CMSS1: variants seen among roughly 807,000 people sequenced by gnomAD.
CMSS1 encodes protein CMSS1.
A neutral mutation model predicts 43.5 loss-of-function variants in CMSS1; 33 were observed. The observed-to-expected ratio is 0.76, with a 90% CI of 0.57 to 1.01. The LOEUF is 1.01. CMSS1 is among the 50% of genes least tolerant of loss of function. The pLI, the probability that CMSS1 is intolerant of heterozygous loss-of-function variation, is 0.00. For missense variants in CMSS1, 313 were observed against 326.4 expected (o/e 0.96, Z 0.32); for synonymous variants, 115 against 117.2 (o/e 0.98, Z 0.12).
chr3:99,840,277 G>A (rs793438), intron 1 of CMSS1, among the ~76,000 whole-genome samples: 5,117 of 134,990 alleles, frequency 0.038, 129 homozygotes, highest in Admixed American at 0.051. Flanking sequence ...AGGCTGGAGT[G>A]CAGTGGCGTG....
At chr3:99,983,975 T>C (rs957525190) in intron 1 of CMSS1, among the ~76,000 whole-genome samples, 3 of 151,616 alleles carry the variant, frequency 2.0e-5, no homozygotes, top group African/African-American at 7.3e-5. Context: ...ACCTAACAGA[T>C]TTTTGTTGTT....
chr3:100,099,525 C>A (rs183977565), intron 1 of CMSS1, among the ~76,000 whole-genome samples: 1 of 152,072 alleles, frequency 6.6e-6, no homozygotes, highest in Non-Finnish European at 1.5e-5. Context: ...GTATTTGTAT[C>A]GGTCTAATTA....
intron 1 of CMSS1, among the ~76,000 whole-genome samples, chr3:100,094,715 G>A (rs1188331193): frequency 5.4e-4 from 58 of 107,584 alleles, no homozygotes; most frequent in African/African-American, 2.1e-3. Context: ...AGACAGTCTC[G>A]CTCTGTCACC....
intron 1 of CMSS1, among the ~76,000 whole-genome samples, chr3:99,829,686 C>T (rs1436632562): frequency 6.6e-6 from 1 of 152,146 alleles, no homozygotes; most frequent in African/African-American, 2.4e-5. Context: ...TATGAATAAA[C>T]AATGTCCTGT....
At chr3:99,931,067 A>G in intron 1 of CMSS1, 1 of 1,575,710 alleles carries the variant, frequency 6.3e-7, no homozygotes, top group South Asian at 1.2e-5. Flanking sequence ...AGCTTAATGG[A>G]AATGGAGTTT....
At chr3:100,006,675 A>G (rs1709997013) in intron 1 of CMSS1, among the ~76,000 whole-genome samples, 1 of 151,790 alleles carries the variant, frequency 6.6e-6, no homozygotes, top group South Asian at 2.1e-4. Flanking sequence ...AAAAAATTCC[A>G]GCTTGGGTTG....
At chr3:99,942,896 G>C (rs916231310) in intron 1 of CMSS1, among the ~76,000 whole-genome samples, 2 of 152,046 alleles carry the variant, frequency 1.3e-5, no homozygotes, top group Admixed American at 6.6e-5. Context: ...ATGGGGGAAA[G>C]GGGAGAAAAG....
chr3:99,942,924 G>A (rs981847536), intron 1 of CMSS1, among the ~76,000 whole-genome samples: 2 of 152,110 alleles, frequency 1.3e-5, no homozygotes, highest in African/African-American at 4.8e-5. Flanking sequence ...AAGGCACCAA[G>A]CTTGGGTATC....
At chr3:100,057,179 C>T (rs1413781815) in intron 1 of CMSS1, among the ~76,000 whole-genome samples, 9 of 152,128 alleles carry the variant, frequency 5.9e-5, no homozygotes, top group Non-Finnish European at 1.2e-4. Flanking sequence ...TTGCCTGCCA[C>T]GTGGCTTCTC....
At chr3:99,931,822 A>G (rs2107664149) in intron 1 of CMSS1, among the ~76,000 whole-genome samples, 2 of 152,338 alleles carry the variant, frequency 1.3e-5, no homozygotes, top group South Asian at 4.1e-4. Flanking sequence ...AATCATCCAA[A>G]TGAATTTATA....
rs145752871 is a variant in CMSS1, at chr3:100,004,211, C to G, written c.65-142762C>G. Among the ~76,000 whole-genome samples, 26 of 152,192 alleles carry G rather than the reference C, an allele frequency of 1.7e-4. 1 individual carries two copies. In the East Asian group the frequency reaches 4.8e-3, roughly 28 times the overall value. ...ACATATTCTCCAAGAAACCTAAACT[C>G]CAAGTAAAATGCAGCTTCCGTAGGA... is the stretch of plus-strand genomic sequence containing the variant. On this transcript the variant is annotated intron_variant, in intron 1 of 9. Transcript: ENST00000421999.
At chr3:100,152,206 T>C (rs913519489) in intron 2 of CMSS1, among the ~76,000 whole-genome samples, 16 of 151,960 alleles carry the variant, frequency 1.1e-4, no homozygotes, top group South Asian at 6.2e-4. Context: ...CCTTCTTCTT[T>C]TTTTTTTTTT....
At chr3:99,983,393 T>TAAATAA (rs1401992303) in intron 1 of CMSS1, among the ~76,000 whole-genome samples, 10 of 87,060 alleles carry the variant, frequency 1.1e-4, no homozygotes, top group African/African-American at 5.3e-4. Flanking sequence ...TAAATAAATA[T>TAAATAA]ATATATATAT....
At chr3:99,905,404 T>C (rs1706582047) in intron 1 of CMSS1, among the ~76,000 whole-genome samples, 2 of 152,224 alleles carry the variant, frequency 1.3e-5, no homozygotes, top group African/African-American at 4.8e-5. Flanking sequence ...TAATTGCTCT[T>C]ACTAGGACTA....
intron 3 of CMSS1, 90 bp from the exon 4 acceptor site, chr3:100,162,213 T>G: frequency 9.1e-7 from 1 of 1,103,458 alleles, no homozygotes; most frequent in South Asian, 1.6e-5. Context: ...AAAAGCTATG[T>G]GCCGTTTAAA....
chr3:100,160,876 C>T lies in CMSS1; in HGVS notation c.225+375C>T, dbSNP rs559715545. 3.9e-5 allele frequency among the ~76,000 whole-genome samples: 6 copies of T among 152,220 alleles called. No individual in the cohort carries two copies. The East Asian group carries it at 9.6e-4, about 24-fold the overall frequency. On this transcript the variant is annotated intron_variant, in intron 3 of 9. Coordinates refer to ENST00000421999, the MANE Select transcript of CMSS1 (RefSeq NM_032359.4). ...TACCAACCTCCTTTTTCTATTCATT[C>T]CGGATTTTAAGACCTTATACCTTAA...
intron 6 of CMSS1, among the ~76,000 whole-genome samples, chr3:100,171,481 T>C (rs1244128150): frequency 6.6e-6 from 1 of 152,042 alleles, no homozygotes; most frequent in Non-Finnish European, 1.5e-5. Context: ...AAATTTTGTA[T>C]GAGAACTGCA....
intron 1 of CMSS1, among the ~76,000 whole-genome samples, chr3:99,863,212 C>T (rs551100740): frequency 4.9e-4 from 74 of 152,280 alleles, no homozygotes; most frequent in Non-Finnish European, 5.4e-4. Flanking sequence ...ACCTAGATCC[C>T]TCACCTGCAC....
intron 1 of CMSS1, among the ~76,000 whole-genome samples, chr3:100,083,873 G>A (rs557361997): frequency 1.1e-4 from 17 of 152,248 alleles, no homozygotes; most frequent in South Asian, 4.1e-4. Context: ...GGTGCCTGGC[G>A]TGATTCTTGC....
Sources: gnomAD v4.1 joint callset for allele counts (sites outside exome capture counted in the v4.1 genomes callset) on GRCh38, gnomAD v4.1.1 for gene constraint, MANE v1.5 for transcripts, NCBI Gene and HGNC (gene_info 2026-07-23, HGNC 2026-07-21) for gene names.